Variants in EYS observed in about 807,000 individuals in gnomAD.
EYS encodes the protein protein eyes shut homolog.
In EYS, 250 loss-of-function variants were observed where a neutral mutation model predicts 282.1. The ratio of observed to expected loss-of-function variants is 0.89; its 90% CI spans 0.80 to 0.98. The LOEUF (loss-of-function observed/expected upper bound fraction) is 0.98, where lower values mean the gene tolerates loss of function less well. EYS is among the 50% of genes least tolerant of loss of function. The probability of loss-of-function intolerance (pLI) is 0.00; values close to 1 mark genes in which losing one functional copy is unlikely to be tolerated. For synonymous variants in EYS, 1,355 were observed against 1,282.9 expected (o/e 1.06, Z -1.20); for missense variants, 4,016 against 3,709.0 (o/e 1.08, Z -2.15).
At chr6:64,007,157 A>G (rs2149808601) in intron 33 of EYS, among the ~76,000 whole-genome samples, 1 of 152,256 alleles carries the variant, frequency 6.6e-6, no homozygotes, top group Non-Finnish European at 1.5e-5. Flanking sequence ...GCTTTCTATT[A>G]CTGATTCAAC....
chr6:65,088,735 G>A (rs189001593), intron 12 of EYS, among the ~76,000 whole-genome samples: 5 of 152,230 alleles, frequency 3.3e-5, no homozygotes, highest in Non-Finnish European at 7.4e-5. Flanking sequence ...ATGGGGTAAC[G>A]TCTCCAGGGT....
At chr6:64,501,832 A>C (rs1340188366) in intron 26 of EYS, among the ~76,000 whole-genome samples, 1 of 152,200 alleles carries the variant, frequency 6.6e-6, no homozygotes, top group African/African-American at 2.4e-5. Context: ...ATGGATAAGA[A>C]AGCAAAAGTC....
At chr6:64,676,560 A>C (rs2149900817) in intron 22 of EYS, among the ~76,000 whole-genome samples, 1 of 152,262 alleles carries the variant, frequency 6.6e-6, no homozygotes, top group South Asian at 2.1e-4. Flanking sequence ...TAAACCTACA[A>C]CCAAAATTAA....
intron 29 of EYS, among the ~76,000 whole-genome samples, chr6:64,366,858 G>A (rs536338950): frequency 2.0e-5 from 3 of 152,108 alleles, no homozygotes; most frequent in South Asian, 2.1e-4. Context: ...ATTTCTTTTC[G>A]TTGATCATGA....
At chr6:63,835,470 G>A (rs559141608) in intron 36 of EYS, among the ~76,000 whole-genome samples, 28 of 152,062 alleles carry the variant, frequency 1.8e-4, no homozygotes, top group South Asian at 1.5e-3. Context: ...TTTAAGTGAC[G>A]TAACTCAGGA....
intron 2 of EYS, among the ~76,000 whole-genome samples, chr6:65,500,527 T>C (rs1280349493): frequency 6.6e-6 from 1 of 151,712 alleles, no homozygotes. Context: ...GAGAGAAAAA[T>C]CAAATTCAAA....
intron 2 of EYS, among the ~76,000 whole-genome samples, chr6:65,613,239 T>C (rs1453704691): frequency 6.6e-6 from 1 of 151,890 alleles, no homozygotes; most frequent in Non-Finnish European, 1.5e-5. Context: ...GTGTCTGGAA[T>C]ACAATAGATG....
chr6:64,996,351 G>A (rs1406147215), intron 14 of EYS, among the ~76,000 whole-genome samples: 3 of 152,076 alleles, frequency 2.0e-5, no homozygotes, highest in Non-Finnish European at 4.4e-5. Context: ...TTGCTTTAGG[G>A]CCTCAAAATG....
At chr6:64,792,688 G>T (rs75312483) in intron 22 of EYS, among the ~76,000 whole-genome samples, 1 of 152,114 alleles carries the variant, frequency 6.6e-6, no homozygotes, top group African/African-American at 2.4e-5. Context: ...AGCAAAAGCA[G>T]CATGTACCCG....
At chr6:64,572,378 G>A (rs1765754198) in intron 26 of EYS, among the ~76,000 whole-genome samples, 1 of 151,562 alleles carries the variant, frequency 6.6e-6, no homozygotes, top group Admixed American at 6.6e-5. Flanking sequence ...GACAAAGATG[G>A]TCTCTCTCAC....
At chr6:64,233,340 G>C (rs543929740) in intron 30 of EYS, among the ~76,000 whole-genome samples, 8 of 151,946 alleles carry the variant, frequency 5.3e-5, no homozygotes, top group African/African-American at 1.9e-4. Context: ...TTTTATTTTT[G>C]GAAGTTATAG....
chr6:65,648,743 A>C (rs1767547362), intron 1 of EYS, among the ~76,000 whole-genome samples: 1 of 152,098 alleles, frequency 6.6e-6, no homozygotes, highest in South Asian at 2.1e-4. Context: ...AACAGAGAAA[A>C]GGGAAGAAAA....
intron 1 of EYS, among the ~76,000 whole-genome samples, chr6:65,678,587 A>AAC (rs1352107958): frequency 6.6e-6 from 1 of 152,010 alleles, no homozygotes; most frequent in Non-Finnish European, 1.5e-5. Context: ...CAGGAAACAA[A>AAC]AGCAAAAACA....
At position 64,047,996 on chromosome 6, in the gene EYS, C is replaced by T. The variant is rs143129851; in HGVS notation, c.6725+18342G>A. On this transcript the variant is annotated intron_variant, in intron 33 of 42. Transcript: ENST00000503581. ...TCTTGGCTCACTGCAACCTCTGCCTCCCAGGTTCAAGTGATTTTCCTGCCT... is the reference window on the plus strand; with the variant it reads ...TCTTGGCTCACTGCAACCTCTGCCTTCCAGGTTCAAGTGATTTTCCTGCCT... 4.3e-3 allele frequency among the ~76,000 whole-genome samples: 654 copies of T among 152,240 alleles called. 6 individuals are homozygous for T. The highest frequency in any genetic ancestry group is 0.015 in the African/African-American group (614 of 41,542).
At chr6:64,092,474 G>C (rs574580578) in intron 31 of EYS, among the ~76,000 whole-genome samples, 1 of 151,838 alleles carries the variant, frequency 6.6e-6, no homozygotes, top group East Asian at 1.9e-4. Flanking sequence ...TCTCATTGTG[G>C]TTTTGATTTG....
chr6:63,802,232 A>G (rs1770798713), intron 37 of EYS, among the ~76,000 whole-genome samples: 1 of 152,196 alleles, frequency 6.6e-6, no homozygotes, highest in Non-Finnish European at 1.5e-5. Context: ...CTTAGTCCAT[A>G]CTTGCATGTG....
chr6:65,241,357 T>C (rs898395349), intron 12 of EYS, among the ~76,000 whole-genome samples: 2 of 152,102 alleles, frequency 1.3e-5, no homozygotes, highest in Admixed American at 1.3e-4. Flanking sequence ...ACATTTTCCA[T>C]TGTGCCCCTG....
intron 14 of EYS, among the ~76,000 whole-genome samples, chr6:64,970,147 CA>C (rs201796344): frequency 0.18 from 25,355 of 138,250 alleles, 2,393 homozygotes; most frequent in East Asian, 0.28. Context: ...CCTAGAAATA[CA>C]AAAAAAAAAA....
At chr6:64,624,787 G>GTGGGCCCAATAAC (rs1404251315) in intron 23 of EYS, among the ~76,000 whole-genome samples, 14 of 152,088 alleles carry the variant, frequency 9.2e-5, no homozygotes, top group African/African-American at 2.9e-4. Flanking sequence ...TATTTCCGTG[G>GTGGGCCCAATAAC]TGGGCCCAAT....
Sources: gnomAD v4.1 joint callset for allele counts (sites outside exome capture counted in the v4.1 genomes callset) on GRCh38, gnomAD v4.1.1 for gene constraint, MANE v1.5 for transcripts, NCBI Gene and HGNC (gene_info 2026-07-23, HGNC 2026-07-21) for gene names.